SMC5: variants seen among roughly 807,000 people sequenced by gnomAD.
The protein encoded by SMC5 is structural maintenance of chromosomes 5, also known as structural maintenance of chromosomes protein 5.
Under a neutral mutation model 148.3 loss-of-function variants are expected in SMC5, and 88 were observed. That is an observed-to-expected ratio of 0.59 (90% CI 0.50 to 0.71). The LOEUF (loss-of-function observed/expected upper bound fraction) is 0.71. SMC5 is among the 30% of genes least tolerant of loss of function. The probability of loss-of-function intolerance (pLI) is 0.00; values close to 1 mark genes in which losing one functional copy is unlikely to be tolerated. For missense variants in SMC5, 1,142 were observed against 1,298.9 expected (o/e 0.88, Z 1.86); for synonymous variants, 421 against 432.8 (o/e 0.97, Z 0.34).
intron 15 of SMC5, among the ~76,000 whole-genome samples, chr9:70,321,155 A>G (rs10746840): frequency 1 from 152,043 of 152,070 alleles, 76,008 homozygotes; most frequent in Non-Finnish European, 1. Flanking sequence ...GTAGGAGAGG[A>G]GAGGGGAAGG....
Position 70,300,065 on chromosome 9 carries a change from A to T in SMC5, c.1329A>T (p.Val443=). The change falls in exon 10 of 25, where the codon GTA becomes GTT. Residue 443 remains valine (V), a synonymous_variant. Coordinates refer to ENST00000361138, the MANE Select transcript of SMC5 (RefSeq NM_015110.4). ...TTTTAGGTGTGGACGATCATATTGTACGTTTTGACAATCTTATGAATCAGA... is the reference window on the plus strand; with the variant it reads ...TTTTAGGTGTGGACGATCATATTGTTCGTTTTGACAATCTTATGAATCAGA... The part of the protein sequence containing the change: ...KEKKSVDDHI[V]RFDNLMNQKE... The T allele has an allele frequency of 6.3e-7, 1 of 1,584,896 alleles. No individual in the cohort carries two copies.
chr9:70,349,389 A>C (rs1448494496), intron 22 of SMC5, among the ~76,000 whole-genome samples: 1 of 152,172 alleles, frequency 6.6e-6, no homozygotes, highest in East Asian at 1.9e-4. Context: ...TATGTATCTC[A>C]TTTTTAAGGT....
In SMC5 at chr9:70,259,261, C is replaced by G; in HGVS notation, c.183C>G (p.Phe61Leu). The G allele has an allele frequency of 1.3e-6, 2 of 1,578,840 alleles. No homozygotes were observed. The highest frequency in any genetic ancestry group is 1.7e-6 in the Non-Finnish European group (2 of 1,161,030). ...GSIVRISMEN[F>L]LTYDICEVSP... The stretch of plus-strand genomic sequence containing the variant: ...TCGTCCGCATCTCGATGGAGAACTT[C>G]CTGTAAGTTGCCCGGAGGCCGCGCC... The change falls in exon 1 of 25, where the codon TTC becomes TTG. Residue 61 changes from phenylalanine (F) to leucine (L), a missense_variant and splice_region_variant. Phe to Leu is a conservative substitution (Grantham distance 22, BLOSUM62 0). This residue lies in a region of SMC5 where 297 missense variants were observed against 302.6 expected (regional missense o/e 0.98). Transcript: ENST00000361138.
intron 13 of SMC5, among the ~76,000 whole-genome samples, chr9:70,316,691 G>A (rs1487364021): frequency 6.6e-6 from 1 of 152,010 alleles, no homozygotes; most frequent in African/African-American, 2.4e-5. Flanking sequence ...CAATAGAAAG[G>A]TTGATAAGGA....
intron 18 of SMC5, among the ~76,000 whole-genome samples, chr9:70,345,193 A>T (rs2036637046): frequency 6.6e-6 from 1 of 152,112 alleles, no homozygotes; most frequent in Admixed American, 6.6e-5. Context: ...TTTTTTCAGA[A>T]AAAGCATGAT....
At chr9:70,341,385 A>G (rs2036519080) in intron 17 of SMC5, among the ~76,000 whole-genome samples, 1 of 152,180 alleles carries the variant, frequency 6.6e-6, no homozygotes, top group African/African-American at 2.4e-5. Context: ...TCAGGAATAG[A>G]AGAAATTAGG....
chr9:70,341,070 C>G (rs2036510120), intron 17 of SMC5, among the ~76,000 whole-genome samples: 1 of 151,800 alleles, frequency 6.6e-6, no homozygotes, highest in African/African-American at 2.4e-5. Context: ...TTTCACTAGT[C>G]TGACTTTACA....
chr9:70,262,587 T>C (rs983088076), intron 1 of SMC5, among the ~76,000 whole-genome samples: 2 of 152,178 alleles, frequency 1.3e-5, no homozygotes, highest in Non-Finnish European at 2.9e-5. Context: ...ATGGGAAAGA[T>C]GGTGGATTTC....
Position 70,310,666 on chromosome 9 carries a change from T to G in SMC5, c.1579-4076T>G, listed in dbSNP as rs147388172. Among the ~76,000 whole-genome samples, 599 of 152,318 alleles carry G rather than the reference T, an allele frequency of 3.9e-3. 3 individuals are homozygous for G. Among genetic ancestry groups the G allele is most frequent in the African/African-American group, 0.013 (554 of 41,578 alleles). Reference sequence around the variant, plus strand: ...TGAAGTTTTGAATCCAGTCATTGATTTCTTTTCTCTAGTTATGAAAGTCCT... The same window carrying G: ...TGAAGTTTTGAATCCAGTCATTGATGTCTTTTCTCTAGTTATGAAAGTCCT... On this transcript the variant is annotated intron_variant, in intron 11 of 24. Coordinates refer to ENST00000361138, the MANE Select transcript of SMC5 (RefSeq NM_015110.4).
chr9:70,274,004 A>C (rs1408778214), intron 3 of SMC5, among the ~76,000 whole-genome samples: 2 of 152,238 alleles, frequency 1.3e-5, no homozygotes, highest in Non-Finnish European at 2.9e-5. Context: ...GGTGTATTAC[A>C]CTATTCCTCT....
intron 11 of SMC5, among the ~76,000 whole-genome samples, chr9:70,307,212 G>A (rs949823534): frequency 6.6e-6 from 1 of 152,178 alleles, no homozygotes; most frequent in African/African-American, 2.4e-5. Flanking sequence ...GGCCAATGTG[G>A]TGAAACCCTG....
At chr9:70,278,720 A>T (rs1008238989) in intron 5 of SMC5, 95 bp downstream of exon 5, 18 of 1,273,502 alleles carry the variant, frequency 1.4e-5, no homozygotes, top group African/African-American at 1.5e-5. Context: ...TCATTGAGTG[A>T]ATTCGTATTT....
intron 18 of SMC5, 154 bp downstream of exon 18, chr9:70,344,423 T>A (rs1270979207): frequency 4.5e-5 from 13 of 286,092 alleles, no homozygotes; most frequent in Middle Eastern, 1.2e-3. Flanking sequence ...TATATATATA[T>A]AAAATAATGT....
chr9:70,318,984 G>C lies in SMC5; in HGVS notation c.2150+21G>C, dbSNP rs371621661. 48 of 1,583,812 alleles carry C rather than the reference G, an allele frequency of 3.0e-5. No homozygotes were observed. In the Middle Eastern group the frequency reaches 5.1e-4, roughly 17 times the overall value. ...GGAAGGTATCTTTTAGCCTATTCAG[G>C]GGGGAGAGCACAAATTACTGTATGG... On this transcript the variant is annotated intron_variant, in intron 15 of 24. Coordinates refer to ENST00000361138, the MANE Select transcript of SMC5 (RefSeq NM_015110.4).
At chr9:70,300,297 A>G in intron 10 of SMC5, 97 bp downstream of exon 10, 3 of 1,111,902 alleles carry the variant, frequency 2.7e-6, no homozygotes, top group Non-Finnish European at 2.5e-6. Flanking sequence ...CCCTGGTTTT[A>G]CATTATCAGA....
At chr9:70,278,420 T>G in intron 4 of SMC5, 71 bp from the exon 5 acceptor site, 2 of 1,440,724 alleles carry the variant, frequency 1.4e-6, no homozygotes, top group Non-Finnish European at 1.9e-6. Context: ...AGTGTAAGCA[T>G]TGAGTGAAAT....
At position 70,277,372 on chromosome 9, in the gene SMC5, T is replaced by G; in HGVS notation, c.443T>G (p.Phe148Cys). 1 of 1,604,912 alleles carries G rather than the reference T, an allele frequency of 6.2e-7. No homozygotes were observed. The highest frequency in any genetic ancestry group is 8.5e-7 in the Non-Finnish European group (1 of 1,175,568). ...REIDVAKNQS[F>C]WFINKKSTTQ... ...ATTGATGTGGCAAAAAATCAGTCCT[T>G]TTGGTTCATCAACAAAAAATCTACA... Residue 148 changes from phenylalanine (F) to cysteine (C), a missense_variant, in exon 4 of 25, where the codon TTT (phenylalanine) becomes TGT (cysteine). Transcript: ENST00000361138.
rs2035247081 is a variant in SMC5 at position 70,297,980 on chromosome 9, G to T, written c.1068G>T (p.Gln356His). 5 of 1,612,126 alleles carry T rather than the reference G, an allele frequency of 3.1e-6. No homozygotes were observed. The highest frequency in any genetic ancestry group is 3.4e-6 in the Non-Finnish European group (4 of 1,179,512). Residue 356 changes from glutamine to histidine, a missense_variant, in exon 9 of 25, where the codon CAG (glutamine) becomes CAT (histidine). By Grantham distance (24) the Gln-to-His change is conservative. Transcript: ENST00000361138. ...TGTTTTATTAGATTGAGGAACTTCA[G>T]CAGGCTTTAATAGTAAAGCAAAATG... ...ERKDKHIEEL[Q>H]QALIVKQNEE...
chr9:70,275,825 A>G (rs2034577314), intron 3 of SMC5, among the ~76,000 whole-genome samples: 1 of 151,954 alleles, frequency 6.6e-6, no homozygotes, highest in South Asian at 2.1e-4. Flanking sequence ...CAGTTTTGCA[A>G]AGTTCTTTTT....
Sources: allele counts gnomAD v4.1 joint callset (sites outside exome capture counted in the v4.1 genomes callset), GRCh38; gene constraint gnomAD v4.1.1; regional missense constraint gnomAD v4.1.1; transcripts MANE v1.5; gene names NCBI Gene and HGNC (gene_info 2026-07-23, HGNC 2026-07-21).